Variants in PLEKHG4B observed in about 807,000 individuals in gnomAD.
PLEKHG4B encodes pleckstrin homology and RhoGEF domain containing G4B, also known as pleckstrin homology domain-containing family G member 4B.
A neutral mutation model predicts 121.3 loss-of-function variants in PLEKHG4B; 111 were observed. That is an observed-to-expected ratio of 0.92 (90% CI 0.78 to 1.07). The LOEUF (loss-of-function observed/expected upper bound fraction) is 1.07, where lower values mean the gene tolerates loss of function less well. Ranked by LOEUF, PLEKHG4B falls within the 50% of genes least tolerant of loss-of-function variation. The pLI, the probability that PLEKHG4B is intolerant of heterozygous loss-of-function variation, is 0.00. For missense variants in PLEKHG4B, 1,831 were observed against 1,757.8 expected (o/e 1.04, Z -0.74); for synonymous variants, 738 against 725.0 (o/e 1.02, Z -0.29).
intron 6 of PLEKHG4B, 41 bp downstream of exon 6, chr5:144,961 C>T (rs766983614): frequency 1.3e-5 from 20 of 1,559,692 alleles, no homozygotes; most frequent in South Asian, 1.1e-4. Flanking sequence ...TGCAGAGCAT[C>T]GTAGGGCCGT....
At chr5:108,225 C>G (rs775327948) in intron 1 of PLEKHG4B, among the ~76,000 whole-genome samples, 3 of 152,176 alleles carry the variant, frequency 2.0e-5, no homozygotes, top group African/African-American at 7.2e-5. Flanking sequence ...GCATTAGGAA[C>G]CAGGGATGAT....
chr5:173,202 T>C, intron 17 of PLEKHG4B, 135 bp downstream of exon 17: 1 of 832,238 alleles, frequency 1.2e-6, no homozygotes. Context: ...GCGATGTTTG[T>C]TTTCTGCGGT....
At chr5:109,094 C>G (rs941077877) in intron 1 of PLEKHG4B, among the ~76,000 whole-genome samples, 2 of 152,154 alleles carry the variant, frequency 1.3e-5, no homozygotes, top group Middle Eastern at 3.2e-3. Flanking sequence ...GTGTGGGTCC[C>G]CCGCTGTCCC....
At position 115,418 on chromosome 5, in the gene PLEKHG4B, G is replaced by T. The variant is rs142285058; in HGVS notation, c.243+1970G>T. ...TAGGGGCCCTGGGAGGTTCAGAATG[G>T]TCCATAAGCATCAGCTTCAACTGAA... On this transcript the variant is annotated intron_variant, in intron 2 of 19. Coordinates refer to ENST00000637938, the MANE Select transcript of PLEKHG4B (RefSeq NM_052909.5). Among the ~76,000 whole-genome samples the T allele has an allele frequency of 4.6e-5, 7 of 152,314 alleles. No homozygotes were observed. The East Asian group carries it at 1.4e-3, about 29-fold the overall frequency.
At chr5:127,818 T>G (rs546286999) in intron 2 of PLEKHG4B, among the ~76,000 whole-genome samples, 1 of 152,318 alleles carries the variant, frequency 6.6e-6, no homozygotes, top group East Asian at 1.9e-4. Context: ...CAGGAGGTCC[T>G]GAGAACATGT....
At chr5:173,609 C>T (rs1736643720) in intron 17 of PLEKHG4B, among the ~76,000 whole-genome samples, 1 of 150,594 alleles carries the variant, frequency 6.6e-6, no homozygotes, top group Non-Finnish European at 1.5e-5. Context: ...TAAGCAGCCT[C>T]ACACACCCAT....
Position 140,262 on chromosome 5 carries a change from G to A in PLEKHG4B, c.1023G>A (p.Gly341=), listed in dbSNP as rs568539897. Residue 341 remains glycine (G), a synonymous_variant, in exon 3 of 20, where the codon GGG becomes GGA. Transcript: ENST00000637938. ...CGAGCAGCAGGAGGCGGCCGCCGGG[G>A]GACCCCACTTGTGTGCAGCCTAGAC... ...GIPSSRRRPP[G]DPTCVQPRRW... The A allele has an allele frequency of 2.7e-6, 4 of 1,455,068 alleles. No individual in the cohort carries two copies. The South Asian group carries it at 4.4e-5, about 16-fold the overall frequency. The allele number at this position is 1,455,068 out of a possible 1,614,324, so 90.1% of individuals were successfully genotyped here.
rs140906514 is a variant in PLEKHG4B, at chr5:102,444, T to C, written c.45+10168T>C. Among the ~76,000 whole-genome samples the C allele has an allele frequency of 9.3e-4, 141 of 152,268 alleles. 2 individuals are homozygous for C. The East Asian group carries it at 0.026, about 28-fold the overall frequency. On this transcript the variant is annotated intron_variant, in intron 1 of 19. Coordinates refer to ENST00000637938, the MANE Select transcript of PLEKHG4B (RefSeq NM_052909.5). ...AGAGCAATGTAAATAAAAATAATAA[T>C]AAAAGCAAGATATTTTGGTGGGAAA...
chr5:135,685 ATATATATATATATATATATAT>A lies in PLEKHG4B; in HGVS notation c.244-3797_244-3777del, dbSNP rs1579271787. ...CATCTCAAAAAAAAAAAAAAAAAAT[ATATATATATATATATATATAT>A]ATATATATATATATATATATATGTA... On this transcript the variant is annotated intron_variant, in intron 2 of 19. Coordinates refer to ENST00000637938, the MANE Select transcript of PLEKHG4B (RefSeq NM_052909.5). 2.9e-4 allele frequency among the ~76,000 whole-genome samples: 9 copies of A among 31,080 alleles called. 2 individuals carry two copies. The highest frequency in any genetic ancestry group is 1.1e-3 in the South Asian group (1 of 892). 20.4% of individuals were successfully genotyped at this position (31,080 alleles called of 152,430 possible). A position where few individuals can be genotyped will look rare whatever the true frequency, so the allele number is the denominator to read the frequency against.
In PLEKHG4B at chr5:157,644, A is replaced by G. The variant is rs1372581631; in HGVS notation, c.2487+733A>G. Among the ~76,000 whole-genome samples the G allele has an allele frequency of 6.6e-6, 1 of 152,232 alleles. No individual in the cohort carries two copies. The highest frequency in any genetic ancestry group is 1.9e-4 in the East Asian group (1 of 5,202). On this transcript the variant is annotated intron_variant, in intron 11 of 19. Transcript: ENST00000637938. This position sits in a 1 kb window ranked among gnomAD's most constrained non-coding sequence, Gnocchi z 4.6. ...AAATGATTGCTTAGCTCAGGGGTGC[A>G]GATGATGCTGCTGCCTCATTTTGAT...
intron 2 of PLEKHG4B, among the ~76,000 whole-genome samples, chr5:124,049 G>C (rs982374254): frequency 6.6e-6 from 1 of 151,916 alleles, no homozygotes; most frequent in African/African-American, 2.4e-5. Context: ...GTAATATGTT[G>C]TGTTTTTGTT....
intron 2 of PLEKHG4B, among the ~76,000 whole-genome samples, chr5:126,005 T>G (rs1225560325): frequency 1.3e-5 from 2 of 152,226 alleles, no homozygotes; most frequent in Non-Finnish European, 2.9e-5. Context: ...ATGAGTCACT[T>G]CTATCTTGCT....
At chr5:115,978 G>A (rs1734296997) in intron 2 of PLEKHG4B, among the ~76,000 whole-genome samples, 1 of 152,164 alleles carries the variant, frequency 6.6e-6, no homozygotes, top group East Asian at 1.9e-4. Flanking sequence ...CTTTTCTTTA[G>A]TGTTTACAGC....
chr5:144,966 G>A (rs777574312), intron 6 of PLEKHG4B, 46 bp downstream of exon 6: 25 of 1,548,560 alleles, frequency 1.6e-5, no homozygotes, highest in Non-Finnish European at 2.2e-5. Context: ...AGCATCGTAG[G>A]GCCGTGTGTT....
At position 142,947 on chromosome 5, in the gene PLEKHG4B, C is replaced by T. The variant is rs141158944; in HGVS notation, c.1478-100C>T. On this transcript the variant is annotated intron_variant, in intron 3 of 19. Transcript: ENST00000637938. Reference sequence around the variant, plus strand: ...TTTCTCGGAACCCCCTACTTTCATGCGTGTTTTTGTCCCATGGTTCATAGC... The same window carrying T: ...TTTCTCGGAACCCCCTACTTTCATGTGTGTTTTTGTCCCATGGTTCATAGC... The T allele has an allele frequency of 4.3e-4, 488 of 1,126,968 alleles. No individual in the cohort carries two copies. The African/African-American group carries it at 6.6e-3, about 15-fold the overall frequency. The allele number at this position is 1,126,968 out of a possible 1,614,324, so 69.8% of individuals were successfully genotyped here.
intron 2 of PLEKHG4B, among the ~76,000 whole-genome samples, chr5:128,487 G>C (rs1425906392): frequency 1.3e-5 from 2 of 152,172 alleles, no homozygotes; most frequent in African/African-American, 2.4e-5. Context: ...ACTGTATTTG[G>C]ATGACAGGGG....
chr5:164,681 G>GTAATACTCTGAC (rs1736207935), intron 13 of PLEKHG4B, among the ~76,000 whole-genome samples: 1 of 66,466 alleles, frequency 1.5e-5, no homozygotes. Flanking sequence ...TACTCTGACA[G>GTAATACTCTGAC]GGGGCGGAGC....
At chr5:142,680 G>A (rs1177667735) in intron 3 of PLEKHG4B, among the ~76,000 whole-genome samples, 4 of 151,970 alleles carry the variant, frequency 2.6e-5, no homozygotes, top group Admixed American at 1.3e-4. Context: ...ACAATCACAC[G>A]TGCCAGAGTT....
intron 6 of PLEKHG4B, among the ~76,000 whole-genome samples, chr5:148,872 G>A (rs985517812): frequency 2.0e-5 from 3 of 152,122 alleles, no homozygotes; most frequent in Non-Finnish European, 4.4e-5. Context: ...CATTAAAACA[G>A]ACGTATAGAA....
Sources: gnomAD v4.1 joint callset for allele counts (sites outside exome capture counted in the v4.1 genomes callset) on GRCh38, gnomAD v4.1.1 for gene constraint, Gnocchi (gnomAD v3.1) non-coding constraint, MANE v1.5 for transcripts, NCBI Gene and HGNC (gene_info 2026-07-23, HGNC 2026-07-21) for gene names.